TMEM181: variants seen among roughly 807,000 people sequenced by gnomAD.
TMEM181 encodes transmembrane protein 181.
In TMEM181, 39 loss-of-function variants were observed where a neutral mutation model predicts 71.9. The observed-to-expected ratio is 0.54, with a 90% CI of 0.42 to 0.71. The LOEUF is 0.71. TMEM181 is among the 30% of genes least tolerant of loss of function. The probability of loss-of-function intolerance (pLI) is 0.00; values close to 1 mark genes in which losing one functional copy is unlikely to be tolerated. For missense variants in TMEM181, 595 were observed against 583.0 expected (o/e 1.02, Z -0.21); for synonymous variants, 245 against 228.8 (o/e 1.07, Z -0.64).
chr6:158,536,944 GC>G, intron 1 of TMEM181: 1 of 1,132,914 alleles, frequency 8.8e-7, no homozygotes, highest in East Asian at 3.8e-5. Flanking sequence ...GCGCGCCCCG[GC>G]CTTGGCCTGG....
At chr6:158,594,851 A>C (rs1408527532) in intron 6 of TMEM181, among the ~76,000 whole-genome samples, 1 of 151,864 alleles carries the variant, frequency 6.6e-6, no homozygotes, top group African/African-American at 2.4e-5. Flanking sequence ...CCATGCCCGG[A>C]TACTTTTTGT....
chr6:158,548,361 T>C (rs1198780520), intron 1 of TMEM181, among the ~76,000 whole-genome samples: 2 of 152,168 alleles, frequency 1.3e-5, no homozygotes, highest in African/African-American at 4.8e-5. Context: ...ACCCAGCTGC[T>C]AAGACATTCT....
chr6:158,593,579 C>T (rs888849143), intron 6 of TMEM181, among the ~76,000 whole-genome samples: 1 of 152,190 alleles, frequency 6.6e-6, no homozygotes, highest in African/African-American at 2.4e-5. Flanking sequence ...GACTCAGTAT[C>T]CTCGGAGAAT....
intron 1 of TMEM181, among the ~76,000 whole-genome samples, chr6:158,545,452 A>G (rs1029201474): frequency 6.6e-5 from 10 of 152,240 alleles, no homozygotes; most frequent in Non-Finnish European, 1.3e-4. Context: ...CGAAGGGCTG[A>G]TCGCCTGCCT....
At chr6:158,543,232 T>C (rs1041745736) in intron 1 of TMEM181, among the ~76,000 whole-genome samples, 2 of 152,140 alleles carry the variant, frequency 1.3e-5, no homozygotes, top group Non-Finnish European at 2.9e-5. Context: ...AAAATAAAGA[T>C]ATAATTTCCT....
At chr6:158,572,002 T>C (rs956981043) in intron 1 of TMEM181, among the ~76,000 whole-genome samples, 42 of 152,354 alleles carry the variant, frequency 2.8e-4, no homozygotes, top group African/African-American at 9.6e-4. Context: ...GGTGAGTGTT[T>C]GCACTGAGTC....
At chr6:158,545,484 C>T (rs570479349) in intron 1 of TMEM181, among the ~76,000 whole-genome samples, 4 of 152,344 alleles carry the variant, frequency 2.6e-5, no homozygotes, top group South Asian at 2.1e-4. Context: ...GCTCTGAAGG[C>T]GTGAGGCAGG....
chr6:158,583,663 G>A (rs1463200194), intron 3 of TMEM181, among the ~76,000 whole-genome samples: 2 of 152,138 alleles, frequency 1.3e-5, no homozygotes, highest in Admixed American at 1.3e-4. Flanking sequence ...AGCTGGACGT[G>A]GTGGCGGGCG....
upstream of TMEM181, chr6:158,559,961 C>A: frequency 1.3e-6 from 1 of 763,638 alleles, no homozygotes; most frequent in Non-Finnish European, 1.6e-6. Flanking sequence ...TGGGGCTCCG[C>A]CCCGGCACGG....
At chr6:158,582,957 G>A (rs540362455) in intron 3 of TMEM181, among the ~76,000 whole-genome samples, 4 of 152,156 alleles carry the variant, frequency 2.6e-5, no homozygotes, top group Admixed American at 6.5e-5. Context: ...ATTCTTGGCC[G>A]GGCGCAGTGG....
At chr6:158,628,579 G>C (rs1786473776) in intron 14 of TMEM181, 89 bp downstream of exon 14, 5 of 1,201,090 alleles carry the variant, frequency 4.2e-6, no homozygotes, top group Non-Finnish European at 6.0e-6. Context: ...CTCAAGAGGA[G>C]ACAGGTCAGC....
rs768893011 is a variant in TMEM181, at chr6:158,583,605, C to T, written c.169-349C>T. On this transcript the variant is annotated intron_variant, in intron 3 of 16. Coordinates refer to ENST00000684151, the MANE Select transcript of TMEM181 (RefSeq NM_001376852.1). ...CACCAGGTCAGGAGATCGAGACCAT[C>T]CTGGCTAACACGGTGAAACTCCGTC... 4.9e-4 allele frequency among the ~76,000 whole-genome samples: 74 copies of T among 152,122 alleles called. 1 individual carries two copies. Among genetic ancestry groups the T allele is most frequent in the Non-Finnish European group, 1.5e-4 (10 of 68,032 alleles).
chr6:158,553,745 A>G (rs1781788431), intron 1 of TMEM181, among the ~76,000 whole-genome samples: 1 of 152,232 alleles, frequency 6.6e-6, no homozygotes, highest in East Asian at 1.9e-4. Flanking sequence ...TTTATTTATT[A>G]AAGACATTCT....
chr6:158,567,460 A>C (rs1293863367), intron 1 of TMEM181, among the ~76,000 whole-genome samples: 1 of 152,228 alleles, frequency 6.6e-6, no homozygotes, highest in Non-Finnish European at 1.5e-5. Flanking sequence ...TCTGCTGTGT[A>C]GTGCAGACTG....
intron 2 of TMEM181, among the ~76,000 whole-genome samples, chr6:158,579,685 G>T (rs1391115125): frequency 6.6e-6 from 1 of 151,390 alleles, no homozygotes; most frequent in Non-Finnish European, 1.5e-5. Flanking sequence ...TGCCATTGCA[G>T]TCCAGCCTGG....
chr6:158,553,863 C>G (rs1382639364), intron 1 of TMEM181, among the ~76,000 whole-genome samples: 2 of 152,114 alleles, frequency 1.3e-5, no homozygotes, highest in African/African-American at 4.8e-5. Context: ...AAACAACGTC[C>G]AACAGGTCCT....
intron 10 of TMEM181, among the ~76,000 whole-genome samples, chr6:158,612,865 T>C (rs750591984): frequency 1.3e-5 from 2 of 152,234 alleles, no homozygotes; most frequent in Non-Finnish European, 2.9e-5. Context: ...CTACTGCAAA[T>C]AGTCCAGTAA....
intron 2 of TMEM181, among the ~76,000 whole-genome samples, chr6:158,574,729 T>G (rs1240111223): frequency 6.6e-6 from 1 of 152,232 alleles, no homozygotes; most frequent in South Asian, 2.1e-4. Flanking sequence ...ATACGAAATA[T>G]CTACCTATCT....
chr6:158,581,597 C>CA (rs1318146067), intron 3 of TMEM181, among the ~76,000 whole-genome samples: 6 of 151,572 alleles, frequency 4.0e-5, no homozygotes, highest in Non-Finnish European at 8.8e-5. Context: ...ACTGAAAATA[C>CA]AAAAAAATTA....
Sources: gnomAD v4.1 joint callset for allele counts (sites outside exome capture counted in the v4.1 genomes callset) on GRCh38, gnomAD v4.1.1 for gene constraint, MANE v1.5 for transcripts, NCBI Gene and HGNC (gene_info 2026-07-23, HGNC 2026-07-21) for gene names.